CHST11: variants seen among roughly 807,000 people sequenced by gnomAD.
The protein encoded by CHST11 is carbohydrate sulfotransferase 11.
CHST11 carries 9 observed loss-of-function variants against 30.4 expected under a neutral mutation model. The observed-to-expected ratio is 0.30, with a 90% CI of 0.18 to 0.52. The LOEUF (loss-of-function observed/expected upper bound fraction) is 0.52, where lower values mean the gene tolerates loss of function less well. Ranked by LOEUF, CHST11 falls within the 20% of genes least tolerant of loss-of-function variation. The probability of loss-of-function intolerance (pLI) is 0.97; values close to 1 mark genes in which losing one functional copy is unlikely to be tolerated. For synonymous variants in CHST11, 152 were observed against 187.8 expected (o/e 0.81, Z 1.56); for missense variants, 348 against 460.6 (o/e 0.76, Z 2.24).
chr12:104,544,776 A>ACCCCCCCCCCCCC (rs2038329823), intron 1 of CHST11, among the ~76,000 whole-genome samples: 1 of 50,508 alleles, frequency 2.0e-5, no homozygotes, highest in African/African-American at 5.2e-5. Flanking sequence ...CAGTCCCCCC[A>ACCCCCCCCCCCCC]CCCCGGAGAT....
At chr12:104,522,262 GGAGTATCAGTATATCTC>G (rs2038081079) in intron 1 of CHST11, among the ~76,000 whole-genome samples, 1 of 152,124 alleles carries the variant, frequency 6.6e-6, no homozygotes, top group South Asian at 2.1e-4. Flanking sequence ...CATAAACTTG[GGAGTATCAGTATATCTC>G]ACTGAGCCGT....
chr12:104,605,531 A>G (rs1044182876), intron 2 of CHST11, among the ~76,000 whole-genome samples: 2 of 152,184 alleles, frequency 1.3e-5, no homozygotes, highest in African/African-American at 4.8e-5. Flanking sequence ...GTGGGCGGAG[A>G]TTGCGCCACT....
intron 1 of CHST11, among the ~76,000 whole-genome samples, chr12:104,471,803 G>T (rs1233779344): frequency 1.3e-5 from 2 of 152,136 alleles, no homozygotes; most frequent in African/African-American, 4.8e-5. Flanking sequence ...AATCCAATGT[G>T]TATTTTTACA....
intron 1 of CHST11, among the ~76,000 whole-genome samples, chr12:104,476,800 G>C (rs980808804): frequency 3.3e-5 from 5 of 151,680 alleles, no homozygotes; most frequent in Non-Finnish European, 5.9e-5. Flanking sequence ...TCCTGATGGA[G>C]CCTTCCTCTA....
chr12:104,608,098 G>A (rs1274571267), intron 2 of CHST11, among the ~76,000 whole-genome samples: 1 of 152,064 alleles, frequency 6.6e-6, no homozygotes, highest in East Asian at 1.9e-4. Flanking sequence ...GTTAGGGCTG[G>A]GGTGTTGATA....
chr12:104,631,342 G>A (rs2136067621), intron 2 of CHST11, among the ~76,000 whole-genome samples: 1 of 152,298 alleles, frequency 6.6e-6, no homozygotes, highest in African/African-American at 2.4e-5. Context: ...TCATTTTATT[G>A]ACGGTGGTAG....
intron 2 of CHST11, among the ~76,000 whole-genome samples, chr12:104,679,504 C>T (rs995794265): frequency 6.6e-6 from 1 of 152,124 alleles, no homozygotes; most frequent in Admixed American, 6.5e-5. Context: ...GACCTCCGCC[C>T]CGTGTGTGGT....
intron 1 of CHST11, among the ~76,000 whole-genome samples, chr12:104,463,750 C>T (rs1470536975): frequency 6.6e-6 from 1 of 152,166 alleles, no homozygotes; most frequent in Admixed American, 6.5e-5. Flanking sequence ...TAAGATGACA[C>T]TGAGAGCAGA....
intron 2 of CHST11, among the ~76,000 whole-genome samples, chr12:104,605,122 C>G (rs1333791022): frequency 7.8e-6 from 1 of 128,774 alleles, no homozygotes; most frequent in African/African-American, 3.0e-5. Flanking sequence ...TAGCAAAGTT[C>G]TCTTGGTGGG....
chr12:104,708,158 C>T (rs1269805996), intron 2 of CHST11, among the ~76,000 whole-genome samples: 1 of 152,226 alleles, frequency 6.6e-6, no homozygotes, highest in Non-Finnish European at 1.5e-5. Context: ...TCTCTACTAA[C>T]CAAAGTCAGT....
chr12:104,479,525 G>A (rs761069143), intron 1 of CHST11, among the ~76,000 whole-genome samples: 3 of 152,162 alleles, frequency 2.0e-5, no homozygotes, highest in Non-Finnish European at 2.9e-5. Flanking sequence ...CACATGCCCA[G>A]TTTGAGAGTA....
rs577104930 is a variant in CHST11, at chr12:104,624,078, A to G, written c.204+22087A>G. Among the ~76,000 whole-genome samples the G allele has an allele frequency of 6.2e-4, 95 of 152,266 alleles. 1 individual carries two copies. Among genetic ancestry groups the G allele is most frequent in the Non-Finnish European group, 1.2e-3 (80 of 68,026 alleles). ...TGGAGGGAAGGTATGTGGAAAATGA[A>G]TTGCTGAGCGGAATCTCAGAGAATG... On this transcript the variant is annotated intron_variant, in intron 2 of 2. Coordinates refer to ENST00000303694, the MANE Select transcript of CHST11 (RefSeq NM_018413.6).
chr12:104,477,815 G>A (rs1593957082), intron 1 of CHST11, among the ~76,000 whole-genome samples: 1 of 152,192 alleles, frequency 6.6e-6, no homozygotes, highest in South Asian at 2.1e-4. Context: ...AACGATCCTT[G>A]AGCTGAAAGG....
At chr12:104,702,684 C>G (rs1038336530) in intron 2 of CHST11, among the ~76,000 whole-genome samples, 17 of 152,248 alleles carry the variant, frequency 1.1e-4, no homozygotes, top group African/African-American at 4.1e-4. Context: ...TCCCCATTCT[C>G]TCAGCTCCTT....
At chr12:104,496,849 A>C (rs2037802753) in intron 1 of CHST11, among the ~76,000 whole-genome samples, 1 of 152,184 alleles carries the variant, frequency 6.6e-6, no homozygotes, top group East Asian at 1.9e-4. Context: ...GAACTGAGAA[A>C]TCCACAAGAA....
chr12:104,733,687 A>G (rs534168331), intron 2 of CHST11, among the ~76,000 whole-genome samples: 2 of 152,266 alleles, frequency 1.3e-5, no homozygotes, highest in Non-Finnish European at 2.9e-5. Flanking sequence ...CTTATAGATA[A>G]GGAAGTTAAG....
chr12:104,739,678 T>A (rs1251774794), intron 2 of CHST11, among the ~76,000 whole-genome samples: 1 of 152,264 alleles, frequency 6.6e-6, no homozygotes, highest in African/African-American at 2.4e-5. Flanking sequence ...TATTAATTGC[T>A]TGTCCCTTAA....
chr12:104,522,516 T>G lies in CHST11; in HGVS notation c.118+64987T>G, dbSNP rs1400883791. Among the ~76,000 whole-genome samples the G allele has an allele frequency of 5.3e-5, 8 of 152,314 alleles. No individual in the cohort carries two copies. In the East Asian group the frequency reaches 1.5e-3, roughly 29 times the overall value. On this transcript the variant is annotated intron_variant, in intron 1 of 2. Transcript: ENST00000303694. ...AGGCTTGATCATCAGAATTACCTGG[T>G]GTACTTTAAAATAATCCCAGCATGA...
chr12:104,692,525 A>G (rs1592841875), intron 2 of CHST11, among the ~76,000 whole-genome samples: 1 of 152,178 alleles, frequency 6.6e-6, no homozygotes, highest in South Asian at 2.1e-4. Context: ...AGGTTAAATA[A>G]CTTACTGTAT....
Sources: gnomAD v4.1 joint callset for allele counts (sites outside exome capture counted in the v4.1 genomes callset) on GRCh38, gnomAD v4.1.1 for gene constraint, MANE v1.5 for transcripts, NCBI Gene and HGNC (gene_info 2026-07-23, HGNC 2026-07-21) for gene names.